Variants in OCM observed in about 807,000 individuals in gnomAD.
OCM encodes the protein oncomodulin, also known as oncomodulin-1.
OCM carries 18 observed loss-of-function variants against 14.1 expected under a neutral mutation model. The ratio of observed to expected loss-of-function variants is 1.28; its 90% CI spans 0.88 to 1.89. The LOEUF (loss-of-function observed/expected upper bound fraction) is 1.89, where lower values mean the gene tolerates loss of function less well. OCM is among the 40% of genes most tolerant of loss of function. The pLI, the probability that OCM is intolerant of heterozygous loss-of-function variation, is 0.00. For synonymous variants in OCM, 48 were observed against 51.0 expected (o/e 0.94, Z 0.25); for missense variants, 140 against 137.6 (o/e 1.02, Z -0.09).
the OCM span, among the ~76,000 whole-genome samples, chr7:5,872,406 C>T: frequency 3.3e-4 from 51 of 152,250 alleles, no homozygotes; most frequent in African/African-American, 1.2e-3. Context: ...AATTATTGCT[C>T]AGTCTGTGAG....
the OCM span, among the ~76,000 whole-genome samples, chr7:5,860,898 A>G: frequency 6.6e-6 from 1 of 151,614 alleles, no homozygotes; most frequent in Admixed American, 6.6e-5. Context: ...GTTCCTGCTG[A>G]AAAAGTGAAA....
chr7:5,870,269 C>T, the OCM span, among the ~76,000 whole-genome samples: 26 of 152,140 alleles, frequency 1.7e-4, no homozygotes, highest in African/African-American at 6.3e-4. Context: ...TACCACCCCG[C>T]CTGGCTAATT....
At chr7:5,873,396 A>G in the OCM span, among the ~76,000 whole-genome samples, 1 of 152,068 alleles carries the variant, frequency 6.6e-6, no homozygotes, top group African/African-American at 2.4e-5. Context: ...TTTTTTTTTA[A>G]TTTAATTTAA....
chr7:5,872,497 C>G, the OCM span, among the ~76,000 whole-genome samples: 2 of 152,088 alleles, frequency 1.3e-5, no homozygotes, highest in African/African-American at 4.8e-5. Context: ...CCCCATCCCC[C>G]ACGTCACCAC....
At chr7:5,863,143 C>G in the OCM span, among the ~76,000 whole-genome samples, 68 of 152,236 alleles carry the variant, frequency 4.5e-4, 1 homozygote, top group South Asian at 0.011. Flanking sequence ...ATTTATTGAT[C>G]GCTAATCAGA....
chr7:5,881,389 A>G (rs536375831), intron 1 of OCM, among the ~76,000 whole-genome samples: 1 of 151,602 alleles, frequency 6.6e-6, no homozygotes, highest in Non-Finnish European at 1.5e-5. Flanking sequence ...TTGGAGGCCA[A>G]GGTGAGAGGA....
the OCM span, among the ~76,000 whole-genome samples, chr7:5,864,948 AAG>A: frequency 1.3e-5 from 2 of 152,120 alleles, no homozygotes; most frequent in African/African-American, 4.8e-5. Context: ...CAAAAAAAAA[AAG>A]AACTAGGGAA....
the OCM span, among the ~76,000 whole-genome samples, chr7:5,862,301 A>G: frequency 6.6e-6 from 1 of 152,034 alleles, no homozygotes; most frequent in Non-Finnish European, 1.5e-5. Flanking sequence ...GGAGAGCTGT[A>G]TTTTCATAAC....
chr7:5,865,061 G>A, the OCM span, among the ~76,000 whole-genome samples: 1 of 152,152 alleles, frequency 6.6e-6, no homozygotes, highest in African/African-American at 2.4e-5. Context: ...TGATACCATC[G>A]GATATGACCT....
At chr7:5,860,813 CAT>C in the OCM span, among the ~76,000 whole-genome samples, 1 of 145,320 alleles carries the variant, frequency 6.9e-6, no homozygotes, top group African/African-American at 2.5e-5. Context: ...CACATACACA[CAT>C]ACATATATAT....
chr7:5,878,926 A>G (rs1481956589), upstream of OCM, among the ~76,000 whole-genome samples: 1 of 150,222 alleles, frequency 6.7e-6, no homozygotes, highest in Non-Finnish European at 1.5e-5. Flanking sequence ...CATTCCTGTA[A>G]TCCCAGCACT....
At chr7:5,862,171 C>A in the OCM span, among the ~76,000 whole-genome samples, 1 of 152,252 alleles carries the variant, frequency 6.6e-6, no homozygotes, top group South Asian at 2.1e-4. Flanking sequence ...GATCCATACA[C>A]CAGCATGTTT....
intron 2 of OCM, 110 bp from the exon 3 acceptor site, chr7:5,883,780 A>G: frequency 7.6e-7 from 1 of 1,322,606 alleles, no homozygotes; most frequent in South Asian, 1.3e-5. Context: ...ACCTTGGTTA[A>G]TTATTGCCGG....
At position 5,886,261 on chromosome 7, in the gene OCM, C is replaced by T; in HGVS notation, c.*172C>T. The T allele has an allele frequency of 1.1e-6, 1 of 908,196 alleles. No individual in the cohort carries two copies. Among genetic ancestry groups the T allele is most frequent in the South Asian group, 1.7e-5 (1 of 60,116 alleles). 56.3% of individuals were successfully genotyped at this position (908,196 alleles called of 1,614,324 possible). On this transcript the variant is annotated 3_prime_UTR_variant, in exon 4 of 4. Coordinates refer to ENST00000242104, the MANE Select transcript of OCM (RefSeq NM_001097622.2). Reference sequence around the variant, plus strand: ...GAGGTCACGAGGGAGTCACTCCTGACTTTCTTGGTGGTGGGTATATGCCCT... The same window carrying T: ...GAGGTCACGAGGGAGTCACTCCTGATTTTCTTGGTGGTGGGTATATGCCCT...
chr7:5,881,358 C>T (rs1269911843), intron 1 of OCM, among the ~76,000 whole-genome samples: 1 of 148,736 alleles, frequency 6.7e-6, no homozygotes, highest in Non-Finnish European at 1.5e-5. Context: ...TGGTGGCTCA[C>T]ATCTGTAATC....
chr7:5,879,385 A>G (rs2128606261), upstream of OCM, among the ~76,000 whole-genome samples: 1 of 152,256 alleles, frequency 6.6e-6, no homozygotes, highest in East Asian at 1.9e-4. Flanking sequence ...AAGTCACGTC[A>G]CTTAGCCCTG....
upstream of OCM, chr7:5,879,807 A>C (rs1441680467): frequency 6.6e-6 from 1 of 150,692 alleles, no homozygotes; most frequent in Non-Finnish European, 1.5e-5. Context: ...TTTGAGCTGC[A>C]TCCACTTGAT....
At chr7:5,859,876 C>T in the OCM span, among the ~76,000 whole-genome samples, 1 of 151,692 alleles carries the variant, frequency 6.6e-6, no homozygotes, top group African/African-American at 2.4e-5. Flanking sequence ...TTACTAGAGA[C>T]AGGGTTTTAC....
At chr7:5,864,676 C>T in the OCM span, among the ~76,000 whole-genome samples, 20 of 151,670 alleles carry the variant, frequency 1.3e-4, no homozygotes, top group African/African-American at 4.1e-4. Context: ...TCAAATAGGC[C>T]GGGCACCGTG....
Sources: allele counts gnomAD v4.1 joint callset (sites outside exome capture counted in the v4.1 genomes callset), GRCh38; gene constraint gnomAD v4.1.1; transcripts MANE v1.5; gene names NCBI Gene and HGNC (gene_info 2026-07-23, HGNC 2026-07-21).